The following NR2E1 variants were observed in gnomAD, a reference collection of about 807,000 sequenced individuals.
NR2E1 encodes nuclear receptor TLX.
NR2E1 carries 5 observed loss-of-function variants against 43.6 expected under a neutral mutation model. That is an observed-to-expected ratio of 0.11 (90% CI 0.06 to 0.24). The LOEUF (loss-of-function observed/expected upper bound fraction) is 0.24. NR2E1 is among the 10% of genes least tolerant of loss of function. The pLI is 1.00. For missense variants in NR2E1, 287 were observed against 496.7 expected (o/e 0.58, Z 4.01); for synonymous variants, 191 against 195.5 (o/e 0.98, Z 0.19).
chr6:108,176,185 C>T (rs1203852374), intron 3 of NR2E1: 1 of 406,292 alleles, frequency 2.5e-6, no homozygotes, highest in Admixed American at 4.1e-5. Context: ...GGTTTCCCTG[C>T]GAACCCCCTT....
At chr6:108,168,180 T>A (rs1773743975) in intron 1 of NR2E1, 1 of 1,568,228 alleles carries the variant, frequency 6.4e-7, no homozygotes, top group African/African-American at 1.4e-5. Flanking sequence ...GACCTCGATT[T>A]TTGTTGCCCG....
chr6:108,181,179 C>A (rs975778046), intron 7 of NR2E1, among the ~76,000 whole-genome samples: 1 of 151,956 alleles, frequency 6.6e-6, no homozygotes, highest in Admixed American at 6.6e-5. Flanking sequence ...TTCTTTTTTT[C>A]TTTCTTTTTT....
At chr6:108,186,143 G>A (rs1157447848) in intron 8 of NR2E1, among the ~76,000 whole-genome samples, 16 of 152,132 alleles carry the variant, frequency 1.1e-4, no homozygotes, top group Admixed American at 1.0e-3. Context: ...TAGGATTTAA[G>A]TATTTTTTTT....
At chr6:108,171,639 C>G (rs1773813928) in intron 2 of NR2E1, 36 bp downstream of exon 2, 1 of 1,612,958 alleles carries the variant, frequency 6.2e-7, no homozygotes, top group Non-Finnish European at 8.5e-7. Flanking sequence ...GGGCTCCGCT[C>G]TGCTGCCTCC....
intron 3 of NR2E1, chr6:108,176,151 G>T: frequency 3.3e-6 from 1 of 301,736 alleles, no homozygotes; most frequent in Non-Finnish European, 6.2e-6. Context: ...AGGATACCTG[G>T]CTACTCCAGC....
chr6:108,172,806 A>T (rs1354372022), intron 2 of NR2E1, among the ~76,000 whole-genome samples: 1 of 152,218 alleles, frequency 6.6e-6, no homozygotes, highest in Non-Finnish European at 1.5e-5. Flanking sequence ...AGATATTTGC[A>T]TTGAGATAAA....
intron 2 of NR2E1, among the ~76,000 whole-genome samples, chr6:108,173,786 CTCTTTATGTA>C (rs1261014949): frequency 2.6e-4 from 40 of 152,336 alleles, no homozygotes; most frequent in African/African-American, 8.9e-4. Context: ...ATGCACATGA[CTCTTTATGTA>C]TCTATGCATA....
In NR2E1 at chr6:108,176,701, G is replaced by A. The variant is rs1309308073; in HGVS notation, c.458G>A (p.Arg153Gln). The A allele has an allele frequency of 1.3e-6, 2 of 1,591,966 alleles. No individual in the cohort carries two copies. The highest frequency in any genetic ancestry group is 1.7e-6 in the Non-Finnish European group (2 of 1,173,462). The change falls in exon 4 of 9, where the codon CGG becomes CAG. Residue 153 changes from arginine (R) to glutamine (Q), a missense_variant. Arg to Gln is a conservative substitution (Grantham distance 43). Transcript: ENST00000368986. ...GCCGCGGTGTCCACCACTCCAGAGC[G>A]GCAGACCCTCGTGAGCCTGGCTCAG... is the stretch of plus-strand genomic sequence containing the variant. The part of the protein sequence containing the change: ...ELAAVSTTPE[R>Q]QTLVSLAQPT...
At chr6:108,182,134 C>T (rs966489807) in intron 8 of NR2E1, among the ~76,000 whole-genome samples, 7 of 150,332 alleles carry the variant, frequency 4.7e-5, no homozygotes, top group Non-Finnish European at 7.4e-5. Flanking sequence ...AGCAGCTACT[C>T]GGAAGGCTGA....
chr6:108,167,887 A>T, intron 1 of NR2E1: 1 of 764,886 alleles, frequency 1.3e-6, no homozygotes, highest in South Asian at 2.0e-5. Context: ...ACTGGTAATG[A>T]AGTCTCACTT....
rs1773773023 is a variant in NR2E1 at position 108,169,719 on chromosome 6, G to T, written c.26-1739G>T. Among the ~76,000 whole-genome samples, 1 of 152,006 alleles carries T rather than the reference G, an allele frequency of 6.6e-6. No individual in the cohort carries two copies. Among genetic ancestry groups the T allele is most frequent in the African/African-American group, 2.4e-5 (1 of 41,380 alleles). Reference sequence around the variant, plus strand: ...AGGAGTGGAGGACAAGACCCGCTGTGCCCTTGCCTGGCCCTCTCCAGCCCC... The same window carrying T: ...AGGAGTGGAGGACAAGACCCGCTGTTCCCTTGCCTGGCCCTCTCCAGCCCC... On this transcript the variant is annotated intron_variant, in intron 1 of 8. Transcript: ENST00000368986. This position sits in a 1 kb window ranked among gnomAD's most constrained non-coding sequence, Gnocchi z 6.1.
rs987038671 is a variant in NR2E1, at chr6:108,180,172, G to A, written c.643-151G>A. ...AGGCACCTTTTCAAAAGGAAAATAT[G>A]GGAAAATAAGGGAAAGCTAGAATAT... On this transcript the variant is annotated intron_variant, in intron 5 of 8. Coordinates refer to ENST00000368986, the MANE Select transcript of NR2E1 (RefSeq NM_003269.5). This position sits in a 1 kb window ranked among gnomAD's most constrained non-coding sequence, Gnocchi z 5.4. 4.8e-6 allele frequency: 3 copies of A among 621,212 alleles called. No homozygotes were observed. Among genetic ancestry groups the A allele is most frequent in the Non-Finnish European group, 8.5e-6 (3 of 352,206 alleles). 38.5% of individuals were successfully genotyped at this position (621,212 alleles called of 1,614,324 possible).
rs1773708518 is a variant in NR2E1, at chr6:108,166,378, G to A, written c.-388G>A. ...ACTGAGTGACAGGAATGGGGAAAAA[G>A]AGGGATTTCGCTCCGTAGGAAGGCC... On this transcript the variant is annotated 5_prime_UTR_variant, in exon 1 of 9. Coordinates refer to ENST00000368986, the MANE Select transcript of NR2E1 (RefSeq NM_003269.5). The surrounding 1 kb of genome is among the most constrained non-coding windows in gnomAD (Gnocchi z 7.2). The A allele has an allele frequency of 4.6e-6, 1 of 215,778 alleles. No individual in the cohort carries two copies. Among genetic ancestry groups the A allele is most frequent in the South Asian group, 1.0e-4 (1 of 9,794 alleles). The allele number at this position is 215,778 out of a possible 1,614,324, so 13.4% of individuals were successfully genotyped here.
chr6:108,180,733 A>G lies in NR2E1; in HGVS notation c.740-74A>G. The G allele has an allele frequency of 7.0e-7, 1 of 1,423,610 alleles. No individual in the cohort carries two copies. Among genetic ancestry groups the G allele is most frequent in the South Asian group, 1.2e-5 (1 of 86,226 alleles). The allele number at this position is 1,423,610 out of a possible 1,614,324, so 88.2% of individuals were successfully genotyped here. On this transcript the variant is annotated intron_variant, in intron 6 of 8. Transcript: ENST00000368986. This position sits in a 1 kb window ranked among gnomAD's most constrained non-coding sequence, Gnocchi z 5.4. ...AATTGAATAGATATTGATATGCAGG[A>G]TTTTGTCAAAAATCAATATTAAATC... is the stretch of plus-strand genomic sequence containing the variant.
At position 108,166,855 on chromosome 6, in the gene NR2E1, T is replaced by G; in HGVS notation, c.25+65T>G. On this transcript the variant is annotated intron_variant, in intron 1 of 8. Transcript: ENST00000368986. This position sits in a 1 kb window ranked among gnomAD's most constrained non-coding sequence, Gnocchi z 7.2. Reference sequence around the variant, plus strand: ...GCCTGGGGCGAGCGAGCGGGGAGGCTGGGGGAGGTCCTGCCTGGAGCGCTG... The same window carrying G: ...GCCTGGGGCGAGCGAGCGGGGAGGCGGGGGGAGGTCCTGCCTGGAGCGCTG... 6.7e-7 allele frequency: 1 copy of G among 1,496,574 alleles called. No individual in the cohort carries two copies. The highest frequency in any genetic ancestry group is 1.2e-5 in the South Asian group (1 of 83,832). 92.7% of individuals were successfully genotyped at this position (1,496,574 alleles called of 1,614,324 possible).
At chr6:108,187,254 A>G in intron 8 of NR2E1, 47 bp from the exon 9 acceptor site, 1 of 1,609,134 alleles carries the variant, frequency 6.2e-7, no homozygotes, top group East Asian at 2.2e-5. Context: ...GTTAGTTTCC[A>G]TAAGTAATGG....
chr6:108,167,937 A>G (rs952867490), intron 1 of NR2E1: 1 of 1,382,576 alleles, frequency 7.2e-7, no homozygotes, highest in Non-Finnish European at 9.8e-7. Flanking sequence ...CCCCTCCAAG[A>G]AGGAGGTTGT....
chr6:108,175,137 A>T (rs1773875399), intron 3 of NR2E1, among the ~76,000 whole-genome samples: 1 of 152,036 alleles, frequency 6.6e-6, no homozygotes, highest in South Asian at 2.1e-4. Flanking sequence ...ACCCATGCCC[A>T]CATCAGGAAC....
chr6:108,187,198 A>G, intron 8 of NR2E1, 103 bp from the exon 9 acceptor site: 1 of 1,328,590 alleles, frequency 7.5e-7, no homozygotes, highest in Non-Finnish European at 1.1e-6. Flanking sequence ...TATTCAAGAG[A>G]CCTAGATCAG....
Sources: allele counts gnomAD v4.1 joint callset (sites outside exome capture counted in the v4.1 genomes callset), GRCh38; gene constraint gnomAD v4.1.1; non-coding constraint Gnocchi (gnomAD v3.1); transcripts MANE v1.5; gene names NCBI Gene and HGNC (gene_info 2026-07-23, HGNC 2026-07-21).